Variants in NTNG1 observed in about 807,000 individuals in gnomAD.
NTNG1 encodes the protein netrin-G1.
In NTNG1, 16 loss-of-function variants were observed where a neutral mutation model predicts 54.0. That is an observed-to-expected ratio of 0.30 (90% CI 0.20 to 0.45). NTNG1 has a LOEUF of 0.45. Ranked by LOEUF, NTNG1 falls within the 20% of genes least tolerant of loss-of-function variation. The pLI is 1.00. For missense variants in NTNG1, 530 were observed against 678.7 expected (o/e 0.78, Z 2.43); for synonymous variants, 255 against 263.1 (o/e 0.97, Z 0.30).
chr1:107,452,456 C>T (rs1030425209), intron 7 of NTNG1, among the ~76,000 whole-genome samples: 1 of 152,070 alleles, frequency 6.6e-6, no homozygotes, highest in Non-Finnish European at 1.5e-5. Flanking sequence ...TTGAGTTTGT[C>T]CCCACAGAAA....
intron 7 of NTNG1, among the ~76,000 whole-genome samples, chr1:107,471,182 T>C (rs1368214131): frequency 2.0e-5 from 3 of 152,202 alleles, no homozygotes; most frequent in African/African-American, 7.2e-5. Context: ...CTTGCAGTCC[T>C]TGATTACCTA....
At chr1:107,184,328 C>T (rs570922546) in intron 2 of NTNG1, among the ~76,000 whole-genome samples, 79 of 152,268 alleles carry the variant, frequency 5.2e-4, no homozygotes, top group African/African-American at 1.8e-3. Flanking sequence ...GGGAGACACA[C>T]AGCAGTCACT....
At chr1:107,349,226 G>A (rs1296798186) in intron 3 of NTNG1, among the ~76,000 whole-genome samples, 1 of 152,082 alleles carries the variant, frequency 6.6e-6, no homozygotes, top group African/African-American at 2.4e-5. Flanking sequence ...CATACCAAAA[G>A]CCACTTCTGA....
chr1:107,373,747 G>T (rs1277132909), intron 3 of NTNG1, among the ~76,000 whole-genome samples: 3 of 151,428 alleles, frequency 2.0e-5, no homozygotes, highest in Admixed American at 2.0e-4. Flanking sequence ...CACCCAGGCT[G>T]GAGTGCAGTG....
chr1:107,358,163 C>T (rs1314260747), intron 3 of NTNG1, among the ~76,000 whole-genome samples: 1 of 151,894 alleles, frequency 6.6e-6, no homozygotes, highest in African/African-American at 2.4e-5. Flanking sequence ...AAAGTAAATA[C>T]CTAAGGTATG....
At chr1:107,449,083 A>G (rs1294284658) in intron 7 of NTNG1, among the ~76,000 whole-genome samples, 1 of 152,066 alleles carries the variant, frequency 6.6e-6, no homozygotes, top group Non-Finnish European at 1.5e-5. Context: ...GTTAATTGTT[A>G]TGAATTATTA....
chr1:107,311,721 A>C (rs1390720556), intron 2 of NTNG1, among the ~76,000 whole-genome samples: 11 of 151,984 alleles, frequency 7.2e-5, no homozygotes, highest in African/African-American at 2.7e-4. Context: ...TGCTTTTCTT[A>C]CTTTTCTTGA....
chr1:107,176,572 G>A (rs1656666429), intron 2 of NTNG1, among the ~76,000 whole-genome samples: 1 of 152,146 alleles, frequency 6.6e-6, no homozygotes, highest in South Asian at 2.1e-4. Context: ...TGAGGCTTAA[G>A]GGTGCTGTGA....
At chr1:107,193,244 A>G (rs1658090316) in intron 2 of NTNG1, among the ~76,000 whole-genome samples, 1 of 151,824 alleles carries the variant, frequency 6.6e-6, no homozygotes, top group Admixed American at 6.6e-5. Flanking sequence ...TTTTTTGCTC[A>G]CTGGTCTTCT....
chr1:107,469,775 G>A (rs1005622880), intron 7 of NTNG1, among the ~76,000 whole-genome samples: 32 of 152,134 alleles, frequency 2.1e-4, no homozygotes, highest in African/African-American at 5.8e-4. Flanking sequence ...TATTTATTTA[G>A]CATCTATTCC....
At chr1:107,281,704 C>T (rs1038038112) in intron 2 of NTNG1, among the ~76,000 whole-genome samples, 1 of 152,072 alleles carries the variant, frequency 6.6e-6, no homozygotes, top group African/African-American at 2.4e-5. Context: ...CACACACACA[C>T]ACAAATTTTA....
rs142977353 is a variant in NTNG1 at position 107,324,896 on chromosome 1, G to A, written c.861G>A (p.Ala287=). ...TACACTTGGCACGCTACTTTTACGCGATCTCAGACATAAAGGTGCGAGGAA... is the reference window on the plus strand; with the variant it reads ...TACACTTGGCACGCTACTTTTACGCAATCTCAGACATAAAGGTGCGAGGAA... ...DELHLARYFY[A]ISDIKVRGRC... The change falls in exon 3 of 8, where the codon GCG becomes GCA. Residue 287 remains alanine (A), a synonymous_variant. Transcript: ENST00000370068. 370 of 1,612,130 alleles carry A rather than the reference G, an allele frequency of 2.3e-4. No individual in the cohort carries two copies. Among genetic ancestry groups the A allele is most frequent in the Middle Eastern group, 8.3e-4 (5 of 6,048 alleles).
intron 3 of NTNG1, among the ~76,000 whole-genome samples, chr1:107,347,762 C>A (rs11586227): frequency 0.12 from 18,440 of 152,186 alleles, 1,246 homozygotes; most frequent in Non-Finnish European, 0.16. Context: ...CACTTACAAT[C>A]ATGGCAGAAA....
At chr1:107,411,399 G>A (rs1267551590) in intron 5 of NTNG1, among the ~76,000 whole-genome samples, 1 of 152,092 alleles carries the variant, frequency 6.6e-6, no homozygotes, top group East Asian at 1.9e-4. Flanking sequence ...TTTCATACTT[G>A]AAAACATTTT....
In NTNG1 at chr1:107,324,635, G is replaced by A. The variant is rs760244319; in HGVS notation, c.600G>A (p.Thr200=). Residue 200 remains threonine (T), a synonymous_variant, in exon 3 of 8, where the codon ACG becomes ACA. Transcript: ENST00000370068. Reference sequence around the variant, plus strand: ...CCGTGAAGGATTTATCACAGCATACGGTCTTAGAAATCATTTGCACAGAAG... The same window carrying A: ...CCGTGAAGGATTTATCACAGCATACAGTCTTAGAAATCATTTGCACAGAAG... ...PKSVKDLSQH[T]VLEIICTEEY... The A allele has an allele frequency of 4.3e-6, 7 of 1,613,600 alleles. No individual in the cohort carries two copies. The highest frequency in any genetic ancestry group is 1.1e-5 in the South Asian group (1 of 91,080).
intron 2 of NTNG1, among the ~76,000 whole-genome samples, chr1:107,292,620 GCTCA>G (rs914505546): frequency 2.0e-5 from 3 of 152,108 alleles, no homozygotes; most frequent in Admixed American, 2.0e-4. Flanking sequence ...GCTCACACAT[GCTCA>G]CTAAGAGGCA....
intron 2 of NTNG1, among the ~76,000 whole-genome samples, chr1:107,222,100 G>C (rs958931898): frequency 6.6e-6 from 1 of 151,656 alleles, no homozygotes; most frequent in African/African-American, 2.4e-5. Context: ...GCCAACTCCT[G>C]CTCATCTTCC....
intron 3 of NTNG1, among the ~76,000 whole-genome samples, chr1:107,331,517 AT>A (rs1668279520): frequency 6.6e-6 from 1 of 151,964 alleles, no homozygotes. Context: ...ATAGCTTCTT[AT>A]TTTTCCATGG....
At chr1:107,144,391 A>G (rs1653956774) in intron 1 of NTNG1, among the ~76,000 whole-genome samples, 3 of 152,128 alleles carry the variant, frequency 2.0e-5, no homozygotes, top group Admixed American at 2.0e-4. Context: ...TATTTATGAA[A>G]AAAATAGCTT....
Sources: gnomAD v4.1 joint callset for allele counts (sites outside exome capture counted in the v4.1 genomes callset) on GRCh38, gnomAD v4.1.1 for gene constraint, MANE v1.5 for transcripts, NCBI Gene and HGNC (gene_info 2026-07-23, HGNC 2026-07-21) for gene names.